CCBE1: variants seen among roughly 807,000 people sequenced by gnomAD.
The protein encoded by CCBE1 is collagen and calcium-binding EGF domain-containing protein 1.
In CCBE1, 37 loss-of-function variants were observed where a neutral mutation model predicts 50.0. The ratio of observed to expected loss-of-function variants is 0.74; its 90% CI spans 0.57 to 0.97. CCBE1 has a LOEUF of 0.97. Among genes scored for constraint, CCBE1 ranks in the 50% least tolerant of loss-of-function variants. The pLI is 0.00. For synonymous variants in CCBE1, 234 were observed against 203.7 expected (o/e 1.15, Z -1.27); for missense variants, 538 against 523.8 (o/e 1.03, Z -0.26).
chr18:59,502,888 C>G (rs115516168), intron 2 of CCBE1, among the ~76,000 whole-genome samples: 5 of 152,154 alleles, frequency 3.3e-5, no homozygotes, highest in African/African-American at 1.2e-4. Flanking sequence ...TGCAGTCTCT[C>G]CTATCAAAGG....
At chr18:59,560,044 T>C (rs2052711391) in intron 2 of CCBE1, among the ~76,000 whole-genome samples, 1 of 152,234 alleles carries the variant, frequency 6.6e-6, no homozygotes, top group Non-Finnish European at 1.5e-5. Context: ...GATATTATGC[T>C]AACCTCTGAT....
chr18:59,680,399 G>C (rs954331925), intron 2 of CCBE1, among the ~76,000 whole-genome samples: 1 of 151,684 alleles, frequency 6.6e-6, no homozygotes, highest in African/African-American at 2.4e-5. Flanking sequence ...CTTTGACAAC[G>C]CATGTAAAGA....
intron 2 of CCBE1, among the ~76,000 whole-genome samples, chr18:59,660,852 AG>A (rs546779979): frequency 2.1e-3 from 318 of 152,354 alleles, no homozygotes; most frequent in Non-Finnish European, 3.6e-3. Context: ...TGTGGCCAAA[AG>A]GTCAACCACA....
chr18:59,510,833 TAGACTAGTTA>T (rs1335128446), intron 2 of CCBE1, among the ~76,000 whole-genome samples: 1 of 152,254 alleles, frequency 6.6e-6, no homozygotes, highest in African/African-American at 2.4e-5. Context: ...TAAAGAAACA[TAGACTAGTTA>T]AGATGGTCTT....
intron 2 of CCBE1, among the ~76,000 whole-genome samples, chr18:59,567,254 G>C (rs963227307): frequency 3.3e-5 from 5 of 151,890 alleles, no homozygotes; most frequent in African/African-American, 1.2e-4. Flanking sequence ...AAGTAGCTGG[G>C]AGGCTACCAT....
intron 2 of CCBE1, among the ~76,000 whole-genome samples, chr18:59,629,262 A>G (rs1252753337): frequency 6.6e-6 from 1 of 152,246 alleles, no homozygotes; most frequent in East Asian, 1.9e-4. Flanking sequence ...ATCTTCCCCC[A>G]GGTATCATGT....
At chr18:59,538,221 A>C (rs935840895) in intron 2 of CCBE1, among the ~76,000 whole-genome samples, 2 of 152,364 alleles carry the variant, frequency 1.3e-5, no homozygotes, top group Non-Finnish European at 1.5e-5. Flanking sequence ...CAAAAACTCC[A>C]TAGTAAATTC....
intron 2 of CCBE1, among the ~76,000 whole-genome samples, chr18:59,525,209 CCT>C (rs1914768816): frequency 6.6e-6 from 1 of 152,208 alleles, no homozygotes; most frequent in African/African-American, 2.4e-5. Context: ...TGAAAGCATT[CCT>C]CTCTTTCCAC....
intron 2 of CCBE1, among the ~76,000 whole-genome samples, chr18:59,657,408 G>A (rs534038757): frequency 2.8e-4 from 43 of 152,346 alleles, no homozygotes; most frequent in African/African-American, 6.3e-4. Flanking sequence ...CAACGTCCCT[G>A]CCTCCATTTG....
At chr18:59,605,387 T>G (rs2053484282) in intron 2 of CCBE1, among the ~76,000 whole-genome samples, 1 of 152,146 alleles carries the variant, frequency 6.6e-6, no homozygotes, top group South Asian at 2.1e-4. Context: ...ATGGTTGGAA[T>G]AAGGCATGAA....
chr18:59,447,842 G>C (rs1446990973), intron 7 of CCBE1, 141 bp downstream of exon 7: 7 of 1,246,922 alleles, frequency 5.6e-6, no homozygotes, highest in Non-Finnish European at 8.0e-6. Flanking sequence ...TCATTGCATG[G>C]GTGTGTGGCA....
intron 2 of CCBE1, among the ~76,000 whole-genome samples, chr18:59,589,947 G>A (rs2053238446): frequency 6.6e-6 from 1 of 151,976 alleles, no homozygotes; most frequent in Admixed American, 6.6e-5. Context: ...TATTTCCATA[G>A]TGCTAAGAAA....
At position 59,573,299 on chromosome 18, in the gene CCBE1, A is replaced by ATATATATATATATATG. The variant is rs920487820; in HGVS notation, c.213-93062_213-93061insCATATATATATATATA. 3.3e-5 allele frequency among the ~76,000 whole-genome samples: 4 copies of ATATATATATATATATG among 121,552 alleles called. No homozygotes were observed. The South Asian group carries it at 9.3e-4, about 28-fold the overall frequency. The allele number at this position is 121,552 out of a possible 152,430, so 79.7% of individuals were successfully genotyped here. ...GACTCCGTCTAATATATATATATAT[A>ATATATATATATATATG]TATGTATGTATGTGATAGGCCTCAT... On this transcript the variant is annotated intron_variant, in intron 2 of 10. Transcript: ENST00000439986.
intron 2 of CCBE1, among the ~76,000 whole-genome samples, chr18:59,685,001 T>A (rs1418489800): frequency 6.6e-6 from 1 of 152,056 alleles, no homozygotes; most frequent in African/African-American, 2.4e-5. Flanking sequence ...CATCATACCA[T>A]GTAAAAAAAA....
At chr18:59,538,951 G>A (rs184071824) in intron 2 of CCBE1, among the ~76,000 whole-genome samples, 125 of 152,294 alleles carry the variant, frequency 8.2e-4, no homozygotes, top group African/African-American at 2.9e-3. Flanking sequence ...GCTGAGACAG[G>A]AGGACCGCTT....
intron 2 of CCBE1, among the ~76,000 whole-genome samples, chr18:59,653,475 T>G (rs945181165): frequency 6.6e-6 from 1 of 152,228 alleles, no homozygotes; most frequent in African/African-American, 2.4e-5. Flanking sequence ...TAAAGGCTAT[T>G]TGGAATACTC....
chr18:59,688,316 G>C (rs2054684770), intron 2 of CCBE1: 1 of 152,106 alleles, frequency 6.6e-6, no homozygotes, highest in Non-Finnish European at 1.5e-5. Flanking sequence ...CATGGTGGTG[G>C]GCTCATGTAG....
chr18:59,558,058 T>C (rs572342317), intron 2 of CCBE1, among the ~76,000 whole-genome samples: 2 of 152,316 alleles, frequency 1.3e-5, no homozygotes, highest in Admixed American at 1.3e-4. Flanking sequence ...CTGCTTTCTA[T>C]TTGGTGACTC....
chr18:59,469,356 T>A, intron 4 of CCBE1, 117 bp downstream of exon 4: 1 of 1,352,760 alleles, frequency 7.4e-7, no homozygotes, highest in Non-Finnish European at 1.1e-6. Flanking sequence ...ATCCCTAGGA[T>A]AATATCAAAC....
Sources: allele counts gnomAD v4.1 joint callset (sites outside exome capture counted in the v4.1 genomes callset), GRCh38; gene constraint gnomAD v4.1.1; transcripts MANE v1.5; gene names NCBI Gene and HGNC (gene_info 2026-07-23, HGNC 2026-07-21).